ZNF766: variants seen among roughly 807,000 people sequenced by gnomAD.
ZNF766 encodes the protein zinc finger protein 766.
In ZNF766, 13 loss-of-function variants were observed where a neutral mutation model predicts 13.2. The observed-to-expected ratio is 0.98, with a 90% CI of 0.64 to 1.56. ZNF766 has a LOEUF of 1.56. Among genes scored for constraint, ZNF766 ranks in the 40% most tolerant of loss-of-function variants. The probability of loss-of-function intolerance (pLI) is 0.00; values close to 1 mark genes in which losing one functional copy is unlikely to be tolerated. For missense variants in ZNF766, 521 were observed against 552.2 expected, an observed-to-expected ratio of 0.94 and a Z score of 0.57; for synonymous variants, 178 against 187.6, an observed-to-expected ratio of 0.95 and a Z score of 0.42.
In ZNF766 at chr19:52,283,297, C is replaced by T; in HGVS notation, c.158C>T (p.Pro53Leu). 2 of 1,613,392 alleles carry T rather than the reference C, an allele frequency of 1.2e-6. No individual in the cohort carries two copies. The highest frequency in any genetic ancestry group is 1.7e-6 in the Non-Finnish European group (2 of 1,179,690). Residue 53 changes from proline to leucine, a missense_variant, in exon 3 of 4, where the codon CCT becomes CTT. Physicochemically the swap from Pro to Leu is moderately conservative, Grantham distance 98. Coordinates refer to ENST00000439461, the MANE Select transcript of ZNF766 (RefSeq NM_001010851.3). ...RNLVSLGICL[P>L]DLSIISMMKQ... ...CTTTTATAAACAGGAATCTGTCTTC[C>T]TGACCTGAGTATTATCTCCATGATG...
Position 52,294,736 on chromosome 19 carries a change from T to C in ZNF766, c.*3538T>C, listed in dbSNP as rs1982278483. ...AGTCAACTCTAGGACAACTCTAGCTTCCTCTGGAAGCTCCTGCCATCTTGG... is the reference window on the plus strand; with the variant it reads ...AGTCAACTCTAGGACAACTCTAGCTCCCTCTGGAAGCTCCTGCCATCTTGG... On this transcript the variant is annotated 3_prime_UTR_variant, in exon 4 of 4. Transcript: ENST00000439461. 1 of 152,166 alleles carries C rather than the reference T, an allele frequency of 6.6e-6. No homozygotes were observed. Among genetic ancestry groups the C allele is most frequent in the African/African-American group, 2.4e-5 (1 of 41,412 alleles). The allele number at this position is 152,166 out of a possible 1,614,324, so 9.4% of individuals were successfully genotyped here. A position where few individuals can be genotyped will look rare whatever the true frequency, so the allele number is the denominator to read the frequency against.
rs1377818731 is a variant in ZNF766, at chr19:52,290,206, T to C, written c.415T>C (p.Phe139Leu). 11 of 1,614,032 alleles carry C rather than the reference T, an allele frequency of 6.8e-6. No homozygotes were observed. The highest frequency in any genetic ancestry group is 8.5e-6 in the Non-Finnish European group (10 of 1,179,908). The change falls in exon 4 of 4, where the codon TTC becomes CTC. Residue 139 changes from phenylalanine (F) to leucine (L), a missense_variant. Phe to Leu is a conservative substitution (Grantham distance 22). Coordinates refer to ENST00000439461, the MANE Select transcript of ZNF766 (RefSeq NM_001010851.3). ...TTATGAATGTAATCAAGTTCAAAAG[T>C]TCATCAGCCACAGTTCTTCAGTTTC... is the stretch of plus-strand genomic sequence containing the variant. ...KIYECNQVQK[F>L]ISHSSSVSPL...
rs918874790 is a variant in ZNF766, at chr19:52,292,224, A to G, written c.*1026A>G. 1.1e-5 allele frequency: 8 copies of G among 700,696 alleles called. 1 individual carries two copies. Among genetic ancestry groups the G allele is most frequent in the Non-Finnish European group, 2.1e-5 (8 of 384,252 alleles). The allele number at this position is 700,696 out of a possible 1,614,324, so 43.4% of individuals were successfully genotyped here. A position where few individuals can be genotyped will look rare whatever the true frequency, so the allele number is the denominator to read the frequency against. ...CATTAGATGAGGAGCGTTTCTATCC[A>G]GTTTCCTGGAGGAATAAGGACACTG... On this transcript the variant is annotated 3_prime_UTR_variant, in exon 4 of 4. Transcript: ENST00000439461.
chr19:52,294,840 T>C lies in ZNF766; in HGVS notation c.*3642T>C, dbSNP rs1270404741. On this transcript the variant is annotated 3_prime_UTR_variant, in exon 4 of 4. Coordinates refer to ENST00000439461, the MANE Select transcript of ZNF766 (RefSeq NM_001010851.3). ...TACAGATACAGGTCTCATTGCACAA[T>C]ATGATTGTTGAAAACACTTGTGAAA... 1 of 152,192 alleles carries C rather than the reference T, an allele frequency of 6.6e-6. No homozygotes were observed. Among genetic ancestry groups the C allele is most frequent in the African/African-American group, 2.4e-5 (1 of 41,460 alleles). The allele number at this position is 152,192 out of a possible 1,614,324, so 9.4% of individuals were successfully genotyped here. A position where few individuals can be genotyped will look rare whatever the true frequency, so the allele number is the denominator to read the frequency against.
chr19:52,283,271 TC>T lies in ZNF766; in HGVS notation c.146-13del. ...GACATCACAGCACATCTTGATTCTTTCTTTTATAAACAGGAATCTGTCTTCC... is the reference window on the plus strand; with the variant it reads ...GACATCACAGCACATCTTGATTCTTTTTTTATAAACAGGAATCTGTCTTCC... On this transcript the variant is annotated splice_polypyrimidine_tract_variant and intron_variant, in intron 2 of 3. Transcript: ENST00000439461. 6.2e-7 allele frequency: 1 copy of T among 1,611,308 alleles called. No homozygotes were observed.
At chr19:52,289,291 C>G (rs1481167312) in intron 3 of ZNF766, among the ~76,000 whole-genome samples, 1 of 151,782 alleles carries the variant, frequency 6.6e-6, no homozygotes, top group South Asian at 2.1e-4. Context: ...GCTGGGATTA[C>G]AGGCACACAC....
At chr19:52,283,150 C>A in intron 2 of ZNF766, 135 bp from the exon 3 acceptor site, 1 of 1,047,346 alleles carries the variant, frequency 9.5e-7, no homozygotes, top group Non-Finnish European at 1.3e-6. Flanking sequence ...GCATCTGTTG[C>A]TTGCTGACTT....
intron 3 of ZNF766, among the ~76,000 whole-genome samples, chr19:52,285,246 T>G (rs1981755496): frequency 6.6e-6 from 1 of 151,990 alleles, no homozygotes; most frequent in Non-Finnish European, 1.5e-5. Flanking sequence ...TGACCAAAGG[T>G]GTGGGGGGTT....
rs1195423365 is a variant in ZNF766, at chr19:52,293,619, T to G, written c.*2421T>G. On this transcript the variant is annotated 3_prime_UTR_variant, in exon 4 of 4. Coordinates refer to ENST00000439461, the MANE Select transcript of ZNF766 (RefSeq NM_001010851.3). ...TATTCTCTCTACTCTTTGTTTTTGT[T>G]TTTTGTTTGTTTTGTTTTGTTTTGA... 7.0e-6 allele frequency: 1 copy of G among 143,258 alleles called. No individual in the cohort carries two copies. Among genetic ancestry groups the G allele is most frequent in the Non-Finnish European group, 1.5e-5 (1 of 64,630 alleles). The allele number at this position is 143,258 out of a possible 1,614,324, so 8.9% of individuals were successfully genotyped here. A position where few individuals can be genotyped will look rare whatever the true frequency, so the allele number is the denominator to read the frequency against.
In ZNF766 at chr19:52,292,235, G is replaced by C. The variant is rs1172862728; in HGVS notation, c.*1037G>C. On this transcript the variant is annotated 3_prime_UTR_variant, in exon 4 of 4. Transcript: ENST00000439461. ...GAGCGTTTCTATCCAGTTTCCTGGA[G>C]GAATAAGGACACTGCCTTTTCAGAT... 2.0e-5 allele frequency: 14 copies of C among 700,000 alleles called. No individual in the cohort carries two copies. Among genetic ancestry groups the C allele is most frequent in the African/African-American group, 3.5e-5 (2 of 57,026 alleles). 43.4% of individuals were successfully genotyped at this position (700,000 alleles called of 1,614,324 possible).
At chr19:52,285,371 C>T (rs1455547942) in intron 3 of ZNF766, among the ~76,000 whole-genome samples, 1 of 152,140 alleles carries the variant, frequency 6.6e-6, no homozygotes, top group Non-Finnish European at 1.5e-5. Context: ...CCAAGACTTG[C>T]CCCCCTTCCC....
In ZNF766 at chr19:52,290,570, G is replaced by A. The variant is rs780863535; in HGVS notation, c.779G>A (p.Arg260Gln). 3.4e-5 allele frequency: 55 copies of A among 1,613,812 alleles called. No individual in the cohort carries two copies. Among genetic ancestry groups the A allele is most frequent in the Non-Finnish European group, 4.3e-5 (51 of 1,179,942 alleles). The change falls in exon 4 of 4, where the codon CGA becomes CAA. Residue 260 changes from arginine (R) to glutamine (Q), a missense_variant. Transcript: ENST00000439461. Reference protein sequence around the residue: ...KLFNRIAYLARHEKVHTGESP... With the variant: ...KLFNRIAYLAQHEKVHTGESP... Reference sequence around the variant, plus strand: ...TTCAATCGAATTGCATACCTTGCACGACACGAGAAAGTGCATACTGGAGAG... The same window carrying A: ...TTCAATCGAATTGCATACCTTGCACAACACGAGAAAGTGCATACTGGAGAG...
At chr19:52,275,389 AAAAAGTTAAATTT>A (rs1981145013) in intron 1 of ZNF766, among the ~76,000 whole-genome samples, 1 of 152,266 alleles carries the variant, frequency 6.6e-6, no homozygotes, top group Admixed American at 6.5e-5. Context: ...CAAAAGAATC[AAAAAGTTAAATTT>A]AAAAGTTTAT....
chr19:52,290,904 A>G lies in ZNF766; in HGVS notation c.1113A>G (p.Thr371=), dbSNP rs1982109381. 1.9e-6 allele frequency: 3 copies of G among 1,614,210 alleles called. No individual in the cohort carries two copies. The highest frequency in any genetic ancestry group is 2.5e-6 in the Non-Finnish European group (3 of 1,180,020). Reference sequence around the variant, plus strand: ...CTTTTAGGCACAAGTTCTCCCTGACAGTTCATCAGAGAAATCATAATGGAG... The same window carrying G: ...CTTTTAGGCACAAGTTCTCCCTGACGGTTCATCAGAGAAATCATAATGGAG... ...DKAFRHKFSL[T]VHQRNHNGEK... Residue 371 remains threonine, a synonymous_variant, in exon 4 of 4, where the codon ACA becomes ACG. Coordinates refer to ENST00000439461, the MANE Select transcript of ZNF766 (RefSeq NM_001010851.3).
intron 3 of ZNF766, among the ~76,000 whole-genome samples, chr19:52,286,158 A>G (rs1981808197): frequency 7.0e-6 from 1 of 141,940 alleles, no homozygotes; most frequent in African/African-American, 2.9e-5. Flanking sequence ...AAAAAAAAAA[A>G]GAAAGAAAGA....
In ZNF766 at chr19:52,292,076, CAAA is replaced by C; in HGVS notation, c.*880_*882del. 1.4e-6 allele frequency: 1 copy of C among 694,420 alleles called. No individual in the cohort carries two copies. 43.0% of individuals were successfully genotyped at this position (694,420 alleles called of 1,614,324 possible). A position where few individuals can be genotyped will look rare whatever the true frequency, so the allele number is the denominator to read the frequency against. On this transcript the variant is annotated 3_prime_UTR_variant, in exon 4 of 4. Transcript: ENST00000439461. ...TGGGTGACAGAGCGAGACCCTGTCT[CAAA>C]AGAAAAAAAAGGCTAGTTTTTATGA...
chr19:52,288,588 C>A (rs955047517), intron 3 of ZNF766, among the ~76,000 whole-genome samples: 3 of 145,108 alleles, frequency 2.1e-5, no homozygotes, highest in African/African-American at 7.4e-5. Context: ...GATAAGGGGT[C>A]TCACTTTGTT....
intron 1 of ZNF766, among the ~76,000 whole-genome samples, chr19:52,279,789 C>CTTTTTTTTTTTTTTTTT (rs984101828): frequency 1.5e-5 from 1 of 64,878 alleles, no homozygotes; most frequent in African/African-American, 6.9e-5. Flanking sequence ...TTTACCTTTT[C>CTTTTTTTTTTTTTTTTT]TTTTTTTTTT....
rs537143801 is a variant in ZNF766 at position 52,295,818 on chromosome 19, G to A, written c.*4620G>A. ...TCACTGCAACCTTCACCTCCCGGGAGCATGCTGCTCTATCTTTTTTTTCAG... is the reference window on the plus strand; with the variant it reads ...TCACTGCAACCTTCACCTCCCGGGAACATGCTGCTCTATCTTTTTTTTCAG... On this transcript the variant is annotated 3_prime_UTR_variant, in exon 4 of 4. Transcript: ENST00000439461. 4.6e-5 allele frequency: 7 copies of A among 151,832 alleles called. No homozygotes were observed. The highest frequency in any genetic ancestry group is 1.7e-4 in the African/African-American group (7 of 41,408). 9.4% of individuals were successfully genotyped at this position (151,832 alleles called of 1,614,324 possible). A position where few individuals can be genotyped will look rare whatever the true frequency, so the allele number is the denominator to read the frequency against.
Sources: allele counts gnomAD v4.1 joint callset (sites outside exome capture counted in the v4.1 genomes callset), GRCh38; gene constraint gnomAD v4.1.1; transcripts MANE v1.5; gene names NCBI Gene and HGNC (gene_info 2026-07-23, HGNC 2026-07-21).